Variants in DIP2C observed in about 807,000 individuals in gnomAD.
DIP2C encodes the protein DIP2 acetate--CoA ligase C (putative).
DIP2C carries 33 observed loss-of-function variants against 192.4 expected under a neutral mutation model. That is an observed-to-expected ratio of 0.17 (90% CI 0.13 to 0.23). DIP2C has a LOEUF of 0.23. Ranked by LOEUF, DIP2C falls within the 10% of genes least tolerant of loss-of-function variation. The probability of loss-of-function intolerance (pLI) is 1.00; values close to 1 mark genes in which losing one functional copy is unlikely to be tolerated. For missense variants in DIP2C, 1,537 were observed against 2,110.1 expected (o/e 0.73, Z 5.32); for synonymous variants, 979 against 864.1 (o/e 1.13, Z -2.33).
intron 1 of DIP2C, among the ~76,000 whole-genome samples, chr10:535,584 C>T (rs570085740): frequency 2.0e-5 from 3 of 152,030 alleles, no homozygotes; most frequent in Non-Finnish European, 2.9e-5. Flanking sequence ...AGTGACACAG[C>T]GAAACACACG....
chr10:472,644 C>A, intron 2 of DIP2C, 95 bp from the exon 3 acceptor site: 3 of 1,104,938 alleles, frequency 2.7e-6, no homozygotes, highest in Non-Finnish European at 4.0e-6. Context: ...CACAGCAAAG[C>A]CAGAGCTACC....
At chr10:343,024 T>TCA (rs1186440736) in intron 28 of DIP2C, among the ~76,000 whole-genome samples, 3 of 152,246 alleles carry the variant, frequency 2.0e-5, no homozygotes, top group African/African-American at 7.2e-5. Flanking sequence ...GCAAGGTGGC[T>TCA]CACGCCTGTG....
intron 32 of DIP2C, among the ~76,000 whole-genome samples, chr10:307,017 CCCGGGAGAG>C (rs1460135377): frequency 6.6e-6 from 1 of 152,152 alleles, no homozygotes; most frequent in Non-Finnish European, 1.5e-5. Flanking sequence ...TCTACCAGCT[CCCGGGAGAG>C]CCGGTGGCTA....
chr10:340,702 T>C (rs1323162069), intron 29 of DIP2C: 1 of 454,102 alleles, frequency 2.2e-6, no homozygotes, highest in South Asian at 1.6e-5. Flanking sequence ...GCTGAGCACC[T>C]GCTGTAAGCC....
intron 24 of DIP2C, among the ~76,000 whole-genome samples, chr10:351,092 C>T (rs922031958): frequency 2.6e-5 from 4 of 152,106 alleles, no homozygotes; most frequent in African/African-American, 4.8e-5. Context: ...AGATGGCTGT[C>T]GGGGACCAGA....
intron 1 of DIP2C, among the ~76,000 whole-genome samples, chr10:495,580 AAAAT>A (rs1306010624): frequency 1.3e-5 from 2 of 152,176 alleles, no homozygotes; most frequent in African/African-American, 4.8e-5. Context: ...CAAAAAAAAA[AAAAT>A]AAAGCATGCT....
At position 570,896 on chromosome 10, in the gene DIP2C, G is replaced by A. The variant is rs540479817; in HGVS notation, c.86-84366C>T. On this transcript the variant is annotated intron_variant, in intron 1 of 36. Coordinates refer to ENST00000280886, the MANE Select transcript of DIP2C (RefSeq NM_014974.3). ...TTCATCATTTGAAATTCCATGTACTGCTGCAACAGCAGCATCCCCCTCCTC... is the reference window on the plus strand; with the variant it reads ...TTCATCATTTGAAATTCCATGTACTACTGCAACAGCAGCATCCCCCTCCTC... 1.1e-3 allele frequency among the ~76,000 whole-genome samples: 162 copies of A among 152,362 alleles called. 2 individuals are homozygous for A. The highest frequency in any genetic ancestry group is 3.3e-3 in the African/African-American group (138 of 41,592).
rs764227435 is a variant in DIP2C at position 281,291 on chromosome 10, G to C, written c.4327C>G (p.Leu1443Val). Residue 1443 changes from leucine to valine, a missense_variant, in exon 36 of 37, where the codon CTG becomes GTG. Physicochemically the swap from Leu to Val is conservative, Grantham distance 32. Around this residue, in one of 4 missense-constraint regions of DIP2C, gnomAD observed 341 missense variants for 551.7 expected, o/e 0.62. Coordinates refer to ENST00000280886, the MANE Select transcript of DIP2C (RefSeq NM_014974.3). Reference sequence around the variant, plus strand: ...CCCCGCAGCTCCATGGCTTCGTCCAGTGCCCCTACCACGTAGAGGGCATCA... The same window carrying C: ...CCCCGCAGCTCCATGGCTTCGTCCACTGCCCCTACCACGTAGAGGGCATCA... ...RHDALYVVGA[L>V]DEAMELRGMR... 7 of 1,614,026 alleles carry C rather than the reference G, an allele frequency of 4.3e-6. No homozygotes were observed. Among genetic ancestry groups the C allele is most frequent in the South Asian group, 1.1e-5 (1 of 91,092 alleles).
intron 2 of DIP2C, 42 bp downstream of exon 2, chr10:486,417 C>T (rs775471750): frequency 5.3e-6 from 8 of 1,520,914 alleles, no homozygotes; most frequent in Middle Eastern, 1.8e-4. Context: ...ATAGTGAATG[C>T]GGGAAATGAG....
chr10:358,285 C>T (rs1432307102), intron 22 of DIP2C, among the ~76,000 whole-genome samples: 1 of 151,552 alleles, frequency 6.6e-6, no homozygotes, highest in Non-Finnish European at 1.5e-5. Flanking sequence ...TTAAAAGCCA[C>T]GATTTGTCTC....
chr10:612,225 G>A (rs75010469), intron 1 of DIP2C, among the ~76,000 whole-genome samples: 3 of 151,714 alleles, frequency 2.0e-5, no homozygotes, highest in Non-Finnish European at 4.4e-5. Flanking sequence ...CCCAGGAGGC[G>A]AGGTTGCAGT....
At chr10:324,117 C>G (rs1237321259) in intron 31 of DIP2C, among the ~76,000 whole-genome samples, 2 of 152,196 alleles carry the variant, frequency 1.3e-5, no homozygotes, top group Non-Finnish European at 1.5e-5. Context: ...TCGTGGCACT[C>G]TATCCTCTCA....
intron 3 of DIP2C, among the ~76,000 whole-genome samples, chr10:442,905 A>G (rs1024453945): frequency 1.4e-4 from 21 of 152,112 alleles, no homozygotes; most frequent in Non-Finnish European, 2.8e-4. Context: ...TTGTCAAGTG[A>G]TTTTTACCCT....
At chr10:654,887 A>G (rs537220497) in intron 1 of DIP2C, among the ~76,000 whole-genome samples, 3 of 152,322 alleles carry the variant, frequency 2.0e-5, no homozygotes, top group South Asian at 2.1e-4. Context: ...ACGATACAAT[A>G]TTATACTGTT....
chr10:513,914 C>T (rs1356670964), intron 1 of DIP2C, among the ~76,000 whole-genome samples: 3 of 152,208 alleles, frequency 2.0e-5, no homozygotes, highest in Non-Finnish European at 4.4e-5. Context: ...TCCTGGAAGC[C>T]ACGGCCAAAT....
chr10:426,052 G>C (rs1966577430), intron 4 of DIP2C, among the ~76,000 whole-genome samples: 1 of 152,164 alleles, frequency 6.6e-6, no homozygotes, highest in Admixed American at 6.5e-5. Context: ...AAGACATCCA[G>C]ATTAGAAAAG....
At chr10:513,256 A>C (rs1179598177) in intron 1 of DIP2C, among the ~76,000 whole-genome samples, 2 of 152,234 alleles carry the variant, frequency 1.3e-5, no homozygotes, top group Non-Finnish European at 2.9e-5. Context: ...AGAAATAAAC[A>C]TAAGCTACTA....
intron 14 of DIP2C, 66 bp downstream of exon 14, chr10:387,679 G>A (rs1963083971): frequency 6.9e-7 from 1 of 1,454,074 alleles, no homozygotes; most frequent in Non-Finnish European, 9.7e-7. Flanking sequence ...GGACTCCTGT[G>A]TGGACAGGCA....
intron 24 of DIP2C, among the ~76,000 whole-genome samples, chr10:351,430 G>A (rs984797046): frequency 6.6e-6 from 1 of 152,166 alleles, no homozygotes; most frequent in Non-Finnish European, 1.5e-5. Context: ...CTGCGCCAGG[G>A]CCAGGACCAG....
Sources: gnomAD v4.1 joint callset for allele counts (sites outside exome capture counted in the v4.1 genomes callset) on GRCh38, gnomAD v4.1.1 for gene constraint, gnomAD v4.1.1 regional missense constraint, MANE v1.5 for transcripts, NCBI Gene and HGNC (gene_info 2026-07-23, HGNC 2026-07-21) for gene names.